The following SIL1 variants were observed in gnomAD, a reference collection of about 807,000 sequenced individuals.
SIL1 encodes the protein SIL1 nucleotide exchange factor.
SIL1 carries 40 observed loss-of-function variants against 49.1 expected under a neutral mutation model. The ratio of observed to expected loss-of-function variants is 0.81; its 90% CI spans 0.63 to 1.06. The LOEUF (loss-of-function observed/expected upper bound fraction) is 1.06, where lower values mean the gene tolerates loss of function less well. SIL1 is among the 50% of genes least tolerant of loss of function. SIL1 has a pLI of 0.00. For synonymous variants in SIL1, 253 were observed against 250.8 expected, an observed-to-expected ratio of 1.01 and a Z score of -0.08; for missense variants, 500 against 572.6, an observed-to-expected ratio of 0.87 and a Z score of 1.29.
At chr5:139,126,850 G>A (rs899560290) in intron 2 of SIL1, among the ~76,000 whole-genome samples, 1 of 152,182 alleles carries the variant, frequency 6.6e-6, no homozygotes, top group African/African-American at 2.4e-5. Flanking sequence ...AGGACCTCCC[G>A]CTCCAGAGCT....
intron 3 of SIL1, among the ~76,000 whole-genome samples, chr5:139,078,795 C>G (rs1179089925): frequency 1.3e-5 from 2 of 152,210 alleles, no homozygotes; most frequent in African/African-American, 4.8e-5. Context: ...ATGATAGTCA[C>G]CAAGCAGCTG....
At chr5:138,961,285 T>G (rs1344173517) in intron 7 of SIL1, among the ~76,000 whole-genome samples, 1 of 152,266 alleles carries the variant, frequency 6.6e-6, no homozygotes. Flanking sequence ...TAAGTTTCTG[T>G]CTGGCATTTA....
intron 7 of SIL1, among the ~76,000 whole-genome samples, chr5:138,998,444 A>T (rs1314149457): frequency 6.6e-6 from 1 of 152,214 alleles, no homozygotes; most frequent in Non-Finnish European, 1.5e-5. Context: ...CTGGGATAAT[A>T]AGCGTGAGCC....
chr5:139,100,077 G>A (rs1355762401), intron 3 of SIL1, among the ~76,000 whole-genome samples: 3 of 152,038 alleles, frequency 2.0e-5, no homozygotes, highest in Admixed American at 6.5e-5. Context: ...TGCACAAAAA[G>A]TAACATGAAA....
intron 2 of SIL1, among the ~76,000 whole-genome samples, chr5:139,125,905 G>A (rs772173907): frequency 1.3e-5 from 2 of 152,166 alleles, no homozygotes; most frequent in Non-Finnish European, 2.9e-5. Context: ...GCAGGAGCCA[G>A]GAAGGAAAGC....
intron 7 of SIL1, among the ~76,000 whole-genome samples, chr5:138,979,068 TA>T (rs1371210369): frequency 4.0e-5 from 6 of 150,372 alleles, no homozygotes; most frequent in African/African-American, 1.5e-4. Context: ...AATTTAATTT[TA>T]TTTTATTTTT....
chr5:139,183,722 A>T (rs1462406412), intron 1 of SIL1, among the ~76,000 whole-genome samples: 1 of 152,216 alleles, frequency 6.6e-6, no homozygotes, highest in Non-Finnish European at 1.5e-5. Flanking sequence ...GGAAGAGGCC[A>T]CCCGGCAAAG....
In SIL1 at chr5:139,161,667, G is replaced by A. The variant is rs573207000; in HGVS notation, c.-10-33814C>T. Among the ~76,000 whole-genome samples, 3 of 152,108 alleles carry A rather than the reference G, an allele frequency of 2.0e-5. No individual in the cohort carries two copies. The South Asian group carries it at 6.2e-4, about 32-fold the overall frequency. ...TCAAACGTTTTCAAAAGTGACCAGA[G>A]TCCCACATCTTCCTTACTCCCAGGA... is the stretch of plus-strand genomic sequence containing the variant. On this transcript the variant is annotated intron_variant, in intron 1 of 9. Coordinates refer to ENST00000394817, the MANE Select transcript of SIL1 (RefSeq NM_022464.5).
intron 4 of SIL1, among the ~76,000 whole-genome samples, chr5:139,050,545 G>A (rs1223801417): frequency 6.6e-6 from 1 of 152,160 alleles, no homozygotes; most frequent in Non-Finnish European, 1.5e-5. Context: ...ACTTTAAAAT[G>A]CAATTTTATT....
intron 5 of SIL1, among the ~76,000 whole-genome samples, chr5:139,041,818 C>CA (rs536666463): frequency 0.028 from 2,378 of 86,224 alleles, 20 homozygotes; most frequent in East Asian, 0.06. Context: ...AACTCAAAAA[C>CA]AAAAAAAAAA....
chr5:139,061,362 G>A (rs910154463), intron 3 of SIL1, among the ~76,000 whole-genome samples: 1 of 152,192 alleles, frequency 6.6e-6, no homozygotes, highest in African/African-American at 2.4e-5. Flanking sequence ...ACTTCAGGAG[G>A]GGTGAAAAGG....
chr5:139,005,743 A>C (rs1197636217), intron 7 of SIL1, among the ~76,000 whole-genome samples: 2 of 58,458 alleles, frequency 3.4e-5, no homozygotes, highest in Non-Finnish European at 3.2e-5. Flanking sequence ...GAGAATGATG[A>C]TTTCCAATTT....
rs1368728164 is a variant in SIL1, at chr5:138,948,373, C to G, written c.1030-900G>C. ...GCCAGCTTCGCTTCCAAAACACACCCCAATTCTGTCAGCTCCACCTTTGTC... is the reference window on the plus strand; with the variant it reads ...GCCAGCTTCGCTTCCAAAACACACCGCAATTCTGTCAGCTCCACCTTTGTC... On this transcript the variant is annotated intron_variant, in intron 9 of 9. Transcript: ENST00000394817. This position sits in a 1 kb window ranked among gnomAD's most constrained non-coding sequence, Gnocchi z 4.8. Among the ~76,000 whole-genome samples, 2 of 152,176 alleles carry G rather than the reference C, an allele frequency of 1.3e-5. No homozygotes were observed.
At chr5:139,060,349 G>A (rs757819347) in intron 3 of SIL1, among the ~76,000 whole-genome samples, 3 of 151,738 alleles carry the variant, frequency 2.0e-5, no homozygotes, top group Non-Finnish European at 4.4e-5. Context: ...CAATGGTCCC[G>A]AAACAAGAAA....
intron 7 of SIL1, among the ~76,000 whole-genome samples, chr5:138,969,555 C>T (rs1017669686): frequency 1.3e-5 from 2 of 152,228 alleles, no homozygotes; most frequent in African/African-American, 4.8e-5. Flanking sequence ...ATCTGAGAGC[C>T]ACTCACAGTC....
chr5:139,095,662 T>G (rs1325955423), intron 3 of SIL1, among the ~76,000 whole-genome samples: 1 of 151,954 alleles, frequency 6.6e-6, no homozygotes, highest in Non-Finnish European at 1.5e-5. Flanking sequence ...AAATACAAAA[T>G]TACAAAAAAT....
At chr5:138,980,091 A>G (rs890043476) in intron 7 of SIL1, among the ~76,000 whole-genome samples, 1 of 152,156 alleles carries the variant, frequency 6.6e-6, no homozygotes, top group Non-Finnish European at 1.5e-5. Flanking sequence ...CTTTACAAAA[A>G]CCGCTAGGGG....
At chr5:139,115,418 T>C (rs1770965802) in intron 3 of SIL1, among the ~76,000 whole-genome samples, 1 of 152,130 alleles carries the variant, frequency 6.6e-6, no homozygotes, top group Non-Finnish European at 1.5e-5. Flanking sequence ...AGCTTCAGGA[T>C]GGAGGCTGGT....
At position 138,951,170 on chromosome 5, in the gene SIL1, CCTT is replaced by C. The variant is rs762225113; in HGVS notation, c.1027_1029del (p.Lys343del). 7 of 1,610,936 alleles carry C rather than the reference CCTT, an allele frequency of 4.3e-6. No individual in the cohort carries two copies. In the Admixed American group the frequency reaches 6.7e-5, roughly 15 times the overall value. ...GAGACTGGGTGGGCCTGGGCACTCA[CCTT>C]CTCCGTGACCAGGTCGTAGAGCAGT... On this transcript the variant is annotated inframe_deletion and splice_region_variant, in exon 9 of 10. Transcript: ENST00000394817.
Sources: allele counts gnomAD v4.1 joint callset (sites outside exome capture counted in the v4.1 genomes callset), GRCh38; gene constraint gnomAD v4.1.1; non-coding constraint Gnocchi (gnomAD v3.1); transcripts MANE v1.5; gene names NCBI Gene and HGNC (gene_info 2026-07-23, HGNC 2026-07-21).